The following HCFC2 variants were observed in gnomAD, a reference collection of about 807,000 sequenced individuals.
The protein encoded by HCFC2 is host cell factor 2.
HCFC2 carries 18 observed loss-of-function variants against 89.2 expected under a neutral mutation model. The observed-to-expected ratio is 0.20, with a 90% CI of 0.14 to 0.30. The LOEUF is 0.30. HCFC2 is among the 10% of genes least tolerant of loss of function. HCFC2 has a pLI of 1.00. For synonymous variants in HCFC2, 308 were observed against 335.7 expected, an observed-to-expected ratio of 0.92 and a Z score of 0.90; for missense variants, 578 against 956.1, an observed-to-expected ratio of 0.60 and a Z score of 5.21.
At chr12:104,098,074 C>A in intron 12 of HCFC2, 1 of 307,360 alleles carries the variant, frequency 3.3e-6, no homozygotes, top group Admixed American at 4.9e-5. Flanking sequence ...TTTAACATAT[C>A]ACTGATTGGA....
intron 5 of HCFC2, 37 bp downstream of exon 5, chr12:104,080,867 TA>T (rs772601796): frequency 2.3e-6 from 3 of 1,324,976 alleles, no homozygotes; most frequent in Admixed American, 2.1e-5. Flanking sequence ...CTGTTTTTTT[TA>T]AAAAAACAAC....
rs1883827986 is a variant in HCFC2 at position 104,086,006 on chromosome 12, T to C, written c.1064-841T>C. ...CTCTTCCTCCCACCATTTTTTTTTTTTTTTTTTTTGAGGCGGAGTCTCACT... is the reference window on the plus strand; with the variant it reads ...CTCTTCCTCCCACCATTTTTTTTTTCTTTTTTTTTGAGGCGGAGTCTCACT... On this transcript the variant is annotated intron_variant, in intron 7 of 14. Coordinates refer to ENST00000229330, the MANE Select transcript of HCFC2 (RefSeq NM_013320.3). Among the ~76,000 whole-genome samples the C allele has an allele frequency of 2.0e-5, 3 of 150,450 alleles. No individual in the cohort carries two copies. In the South Asian group the frequency reaches 6.4e-4, roughly 32 times the overall value.
chr12:104,090,136 C>A (rs1386741173), intron 9 of HCFC2, among the ~76,000 whole-genome samples: 2 of 151,942 alleles, frequency 1.3e-5, no homozygotes, highest in Admixed American at 6.6e-5. Flanking sequence ...GAGAAGTGGG[C>A]TTTTGAAAGG....
chr12:104,068,212 C>A lies in HCFC2; in HGVS notation c.473+105C>A, dbSNP rs1362843423. 2 of 951,322 alleles carry A rather than the reference C, an allele frequency of 2.1e-6. No individual in the cohort carries two copies. Among genetic ancestry groups the A allele is most frequent in the Non-Finnish European group, 3.0e-6 (2 of 665,712 alleles). 58.9% of individuals were successfully genotyped at this position (951,322 alleles called of 1,614,324 possible). A position where few individuals can be genotyped will look rare whatever the true frequency, so the allele number is the denominator to read the frequency against. On this transcript the variant is annotated intron_variant, in intron 3 of 14. Coordinates refer to ENST00000229330, the MANE Select transcript of HCFC2 (RefSeq NM_013320.3). This position sits in a 1 kb window ranked among gnomAD's most constrained non-coding sequence, Gnocchi z 4.1. ...AAAAGGGATGATGCTTAGCTTTTTG[C>A]ATTTCAACCTAACAGTGGACAGATT...
At chr12:104,065,039 G>C (rs1414845934) in intron 1 of HCFC2, 1 of 276,356 alleles carries the variant, frequency 3.6e-6, no homozygotes, top group Non-Finnish European at 6.7e-6. Flanking sequence ...CAACCGCCTG[G>C]GCCACTCCCC....
rs1188069086 is a variant in HCFC2 at position 104,106,081 on chromosome 12, TA to T, written c.*2811del. 1 of 152,140 alleles carries T rather than the reference TA, an allele frequency of 6.6e-6. No individual in the cohort carries two copies. The highest frequency in any genetic ancestry group is 1.5e-5 in the Non-Finnish European group (1 of 67,960). The allele number at this position is 152,140 out of a possible 1,614,324, so 9.4% of individuals were successfully genotyped here. On this transcript the variant is annotated 3_prime_UTR_variant, in exon 15 of 15. Transcript: ENST00000229330. ...AACTTAATTAGACATAGGGTATATA[TA>T]AACTCAATTTTATCTGCATTTTTTA... is the stretch of plus-strand genomic sequence containing the variant.
At chr12:104,089,143 C>T (rs183992272) in intron 9 of HCFC2, among the ~76,000 whole-genome samples, 3 of 152,078 alleles carry the variant, frequency 2.0e-5, no homozygotes, top group African/African-American at 7.2e-5. Flanking sequence ...TTGCATCCTG[C>T]GAATACTGTA....
chr12:104,069,874 G>A (rs567143689), intron 3 of HCFC2, among the ~76,000 whole-genome samples: 215 of 152,022 alleles, frequency 1.4e-3, no homozygotes, highest in African/African-American at 4.9e-3. Flanking sequence ...GATATGCCCT[G>A]GTGTGTGATG....
At chr12:104,073,856 C>T (rs907077112) in intron 3 of HCFC2, among the ~76,000 whole-genome samples, 3 of 152,184 alleles carry the variant, frequency 2.0e-5, no homozygotes, top group African/African-American at 7.2e-5. Context: ...CCAAATGTGG[C>T]CTGCTGTCTT....
chr12:104,082,587 A>G lies in HCFC2; in HGVS notation c.855A>G (p.Ser285=), dbSNP rs1883715450. The G allele has an allele frequency of 6.2e-7, 1 of 1,612,452 alleles. No individual in the cohort carries two copies. The highest frequency in any genetic ancestry group is 8.5e-7 in the Non-Finnish European group (1 of 1,178,692). Residue 285 remains serine (S), a synonymous_variant, in exon 6 of 15, where the codon TCA becomes TCG. Transcript: ENST00000229330. ...ATTGTGAATGGAGATGTACCAGTTCATTTTCTTACCTAAATCTGGGTGAGT... is the reference window on the plus strand; with the variant it reads ...ATTGTGAATGGAGATGTACCAGTTCGTTTTCTTACCTAAATCTGGGTGAGT... ...PHDCEWRCTS[S]FSYLNLDTTE...
At chr12:104,073,167 CTT>C (rs751054824) in intron 3 of HCFC2, among the ~76,000 whole-genome samples, 8 of 131,650 alleles carry the variant, frequency 6.1e-5, no homozygotes, top group Admixed American at 7.8e-5. Flanking sequence ...TTCTGTTTGC[CTT>C]TTTTTTTTTT....
chr12:104,073,592 T>A (rs1883406377), intron 3 of HCFC2, among the ~76,000 whole-genome samples: 1 of 152,210 alleles, frequency 6.6e-6, no homozygotes, highest in African/African-American at 2.4e-5. Flanking sequence ...AAAATAAATT[T>A]TCTATATTTT....
intron 9 of HCFC2, 114 bp downstream of exon 9, chr12:104,088,152 C>T: frequency 2.0e-6 from 1 of 503,996 alleles, no homozygotes; most frequent in East Asian, 3.7e-5. Flanking sequence ...CCTGCCTGCA[C>T]TTGAGAGTTA....
rs748451819 is a variant in HCFC2, at chr12:104,067,933, C to CT, written c.313-3dup. 0.033 allele frequency: 33,301 copies of CT among 1,005,702 alleles called. No individual in the cohort carries two copies. The highest frequency in any genetic ancestry group is 0.056 in the South Asian group (3,191 of 57,450). The allele number at this position is 1,005,702 out of a possible 1,614,324, so 62.3% of individuals were successfully genotyped here. On this transcript the variant is annotated splice_polypyrimidine_tract_variant and intron_variant, in intron 2 of 14. Coordinates refer to ENST00000229330, the MANE Select transcript of HCFC2 (RefSeq NM_013320.3). ...GATTTTGTCTGACTGTATTTGTGCC[C>CT]TTTTTTTTTTTAGGCAAGTCGTTGG...
intron 13 of HCFC2, among the ~76,000 whole-genome samples, chr12:104,100,708 CTA>C (rs1244909425): frequency 6.6e-6 from 1 of 152,106 alleles, no homozygotes; most frequent in Non-Finnish European, 1.5e-5. Context: ...AGTTGCTCTA[CTA>C]TTACTCCTCA....
At chr12:104,070,781 A>G (rs1883296240) in intron 3 of HCFC2, among the ~76,000 whole-genome samples, 3 of 151,582 alleles carry the variant, frequency 2.0e-5, no homozygotes, top group Non-Finnish European at 4.4e-5. Context: ...ATCCCACCAC[A>G]GTAATCCGGA....
intron 5 of HCFC2, among the ~76,000 whole-genome samples, chr12:104,081,203 T>G (rs1025164976): frequency 1.3e-5 from 2 of 152,106 alleles, no homozygotes; most frequent in African/African-American, 4.8e-5. Context: ...CAATATAGAG[T>G]TGATGGTTAG....
intron 7 of HCFC2, 67 bp downstream of exon 7, chr12:104,082,968 GACTTAC>G: frequency 3.5e-6 from 4 of 1,149,756 alleles, no homozygotes; most frequent in Non-Finnish European, 3.7e-6. Flanking sequence ...TGCCTTTTGA[GACTTAC>G]TGTAAATGCT....
chr12:104,096,214 G>T (rs1385910912), intron 11 of HCFC2, 146 bp from the exon 12 acceptor site: 4 of 478,738 alleles, frequency 8.4e-6, no homozygotes, highest in African/African-American at 7.8e-5. Flanking sequence ...GTTTTTTATT[G>T]TGATAAAATA....
Sources: allele counts gnomAD v4.1 joint callset (sites outside exome capture counted in the v4.1 genomes callset), GRCh38; gene constraint gnomAD v4.1.1; non-coding constraint Gnocchi (gnomAD v3.1); transcripts MANE v1.5; gene names NCBI Gene and HGNC (gene_info 2026-07-23, HGNC 2026-07-21).